NRG1: variants seen among roughly 807,000 people sequenced by gnomAD.
NRG1 encodes neuregulin 1.
Under a neutral mutation model 63.8 loss-of-function variants are expected in NRG1, and 18 were observed. The ratio of observed to expected loss-of-function variants is 0.28; its 90% CI spans 0.19 to 0.42. The LOEUF (loss-of-function observed/expected upper bound fraction) is 0.42. Ranked by LOEUF, NRG1 falls within the 10% of genes least tolerant of loss-of-function variation. NRG1 has a pLI of 1.00. For synonymous variants in NRG1, 302 were observed against 301.3 expected, an observed-to-expected ratio of 1.00 and a Z score of -0.02; for missense variants, 762 against 814.7, an observed-to-expected ratio of 0.94 and a Z score of 0.79.
chr8:32,671,530 A>G (rs561083027), intron 5 of NRG1, among the ~76,000 whole-genome samples: 1 of 152,352 alleles, frequency 6.6e-6, no homozygotes, highest in Admixed American at 6.5e-5. Flanking sequence ...AGACATTTTC[A>G]TAATCAACAA....
At chr8:32,743,255 A>C (rs1024547872) in intron 7 of NRG1, 1 of 982,608 alleles carries the variant, frequency 1.0e-6, no homozygotes. Flanking sequence ...TTAACCAAAC[A>C]GTTTGCATTG....
intron 1 of NRG1, among the ~76,000 whole-genome samples, chr8:32,378,237 C>A (rs1016284905): frequency 6.6e-6 from 1 of 152,090 alleles, no homozygotes; most frequent in African/African-American, 2.4e-5. Context: ...AATGCTGAGT[C>A]TCTCATTAAA....
intron 1 of NRG1, among the ~76,000 whole-genome samples, chr8:31,772,344 C>T (rs565352743): frequency 2.6e-5 from 4 of 152,168 alleles, no homozygotes; most frequent in South Asian, 2.1e-4. Context: ...TTCTGTTCTT[C>T]GTCACCAAGA....
At chr8:32,756,506 C>T (rs759523685) in exon 9 of NRG1, 1 of 1,612,634 alleles carries the variant, frequency 6.2e-7, no homozygotes, top group Admixed American at 1.7e-5. Context: ...TAACCCACCC[C>T]CCGAGAATGT....
rs35437908 is a variant in NRG1 at position 32,404,585 on chromosome 8, CTT to C, written c.38-191225_38-191224del. Among the ~76,000 whole-genome samples the C allele has an allele frequency of 2.3e-3, 274 of 116,930 alleles. 3 individuals are homozygous for C. The highest frequency in any genetic ancestry group is 9.3e-3 in the East Asian group (37 of 3,984). The allele number at this position is 116,930 out of a possible 152,430, so 76.7% of individuals were successfully genotyped here. A position where few individuals can be genotyped will look rare whatever the true frequency, so the allele number is the denominator to read the frequency against. On this transcript the variant is annotated intron_variant, in intron 1 of 10. Transcript: ENST00000519301. ...AAACTCATTCTGTTTTCTTCTTCAT[CTT>C]TTTTTTTTTTTTTTTTTAATGGAGT...
intron 1 of NRG1, among the ~76,000 whole-genome samples, chr8:32,528,871 C>A (rs528418846): frequency 2.6e-5 from 4 of 152,280 alleles, no homozygotes; most frequent in Non-Finnish European, 5.9e-5. Flanking sequence ...CTATTCCAGT[C>A]CTGGACTCAA....
chr8:32,638,402 T>C (rs1851733588), intron 5 of NRG1, among the ~76,000 whole-genome samples: 1 of 152,206 alleles, frequency 6.6e-6, no homozygotes, highest in Non-Finnish European at 1.5e-5. Context: ...CTAATTATTA[T>C]TGAGATTACA....
intron 6 of NRG1, among the ~76,000 whole-genome samples, chr8:32,738,860 G>GAAC (rs1238117750): frequency 5.9e-5 from 9 of 152,174 alleles, no homozygotes; most frequent in Non-Finnish European, 1.3e-4. Flanking sequence ...TTTTGTTGCT[G>GAAC]AACACTTGAG....
intron 1 of NRG1, among the ~76,000 whole-genome samples, chr8:32,430,773 C>G (rs1818033077): frequency 6.9e-6 from 1 of 145,042 alleles, no homozygotes; most frequent in Non-Finnish European, 1.5e-5. Context: ...TCATGTTACA[C>G]TGCAATGGTT....
intron 5 of NRG1, among the ~76,000 whole-genome samples, chr8:32,727,639 C>T (rs1336950100): frequency 6.6e-6 from 1 of 152,176 alleles, no homozygotes; most frequent in Non-Finnish European, 1.5e-5. Context: ...ATGTATTTTG[C>T]TTAATGACAA....
In NRG1 at chr8:32,406,481, A is replaced by G. The variant is rs187041367; in HGVS notation, c.38-189347A>G. Among the ~76,000 whole-genome samples the G allele has an allele frequency of 1.5e-3, 224 of 152,302 alleles. 2 individuals are homozygous for G. Among genetic ancestry groups the G allele is most frequent in the Middle Eastern group, 0.01 (3 of 294 alleles). On this transcript the variant is annotated intron_variant, in intron 1 of 10. Coordinates refer to the NRG1 transcript ENST00000519301. ...TAAAAACTAGGTATTTTTACCTGGTATGTGCAAGCACTGTATATATCCTGA... is the reference window on the plus strand; with the variant it reads ...TAAAAACTAGGTATTTTTACCTGGTGTGTGCAAGCACTGTATATATCCTGA...
chr8:32,189,818 T>C (rs999840266), intron 1 of NRG1, among the ~76,000 whole-genome samples: 1 of 152,218 alleles, frequency 6.6e-6, no homozygotes, highest in Non-Finnish European at 1.5e-5. Flanking sequence ...TTTGGCCATA[T>C]AGTCTTCTAC....
chr8:32,696,471 G>A (rs1428924044), intron 5 of NRG1, among the ~76,000 whole-genome samples: 1 of 151,972 alleles, frequency 6.6e-6, no homozygotes, highest in Non-Finnish European at 1.5e-5. Flanking sequence ...GGGCTGTTCT[G>A]CATTAGAGAG....
intron 5 of NRG1, among the ~76,000 whole-genome samples, chr8:32,667,219 A>G (rs1224623320): frequency 6.6e-6 from 1 of 152,198 alleles, no homozygotes; most frequent in African/African-American, 2.4e-5. Context: ...ATATATGTAA[A>G]CATATCTAAA....
At chr8:32,087,632 A>G (rs1397238488) in intron 1 of NRG1, among the ~76,000 whole-genome samples, 1 of 151,628 alleles carries the variant, frequency 6.6e-6, no homozygotes, top group East Asian at 1.9e-4. Context: ...GCCCACGCCC[A>G]GCTAATTTTT....
At position 31,795,600 on chromosome 8, in the gene NRG1, C is replaced by T. The variant is rs542049344; in HGVS notation, c.37+156169C>T. ...TTTTAAAAACTGGCTTTGGTTATTC[C>T]TTACTAGACAAATTCTCTAACCTGT... is the stretch of plus-strand genomic sequence containing the variant. On this transcript the variant is annotated intron_variant, in intron 1 of 10. Coordinates refer to the NRG1 transcript ENST00000519301. Among the ~76,000 whole-genome samples, 3 of 152,232 alleles carry T rather than the reference C, an allele frequency of 2.0e-5. No homozygotes were observed. The South Asian group carries it at 6.2e-4, about 32-fold the overall frequency.
chr8:32,040,863 G>A (rs1454538821), intron 1 of NRG1, among the ~76,000 whole-genome samples: 2 of 147,002 alleles, frequency 1.4e-5, no homozygotes, highest in African/African-American at 2.5e-5. Context: ...AAATTCTTCT[G>A]AGCCTTCAGT....
At chr8:32,069,792 G>C (rs1275419047) in intron 1 of NRG1, among the ~76,000 whole-genome samples, 1 of 152,154 alleles carries the variant, frequency 6.6e-6, no homozygotes, top group African/African-American at 2.4e-5. Flanking sequence ...TTCACCCAGG[G>C]ACATCCTTCA....
chr8:31,776,852 T>C (rs1410386287), intron 1 of NRG1, among the ~76,000 whole-genome samples: 4 of 152,110 alleles, frequency 2.6e-5, no homozygotes, highest in Non-Finnish European at 5.9e-5. Context: ...TCCATGTCCC[T>C]ACAAAGGACA....
Sources: gnomAD v4.1 joint callset for allele counts (sites outside exome capture counted in the v4.1 genomes callset) on GRCh38, gnomAD v4.1.1 for gene constraint, MANE v1.5 for transcripts, NCBI Gene and HGNC (gene_info 2026-07-23, HGNC 2026-07-21) for gene names.